MTUS1: variants seen among roughly 807,000 people sequenced by gnomAD.
The protein encoded by MTUS1 is microtubule-associated tumor suppressor 1.
Under a neutral mutation model 120.8 loss-of-function variants are expected in MTUS1, and 109 were observed. That is an observed-to-expected ratio of 0.90 (90% CI 0.77 to 1.06). The LOEUF is 1.06. Ranked by LOEUF, MTUS1 falls within the 50% of genes least tolerant of loss-of-function variation. The pLI, the probability that MTUS1 is intolerant of heterozygous loss-of-function variation, is 0.00. For missense variants in MTUS1, 2,210 were observed against 1,486.3 expected, an observed-to-expected ratio of 1.49 and a Z score of -8.01; for synonymous variants, 737 against 550.5, an observed-to-expected ratio of 1.34 and a Z score of -4.74.
At chr8:17,699,579 A>G (rs1249484302) in intron 6 of MTUS1, among the ~76,000 whole-genome samples, 1 of 152,230 alleles carries the variant, frequency 6.6e-6, no homozygotes, top group Non-Finnish European at 1.5e-5. Flanking sequence ...CCATCTAATC[A>G]TCGATTAATC....
chr8:17,674,245 C>A (rs1411475129), intron 8 of MTUS1, among the ~76,000 whole-genome samples: 1 of 151,992 alleles, frequency 6.6e-6, no homozygotes, highest in African/African-American at 2.4e-5. Flanking sequence ...CATGGCGAAA[C>A]CCCATCTCTA....
chr8:17,682,843 C>G lies in MTUS1; in HGVS notation c.2838+1485G>C, dbSNP rs140844257. On this transcript the variant is annotated intron_variant, in intron 7 of 14. Coordinates refer to ENST00000693296, the MANE Select transcript of MTUS1 (RefSeq NM_001363059.2). ...AAACACACTCTTGATTCCTTTCTTA[C>G]AAATGAAAGAGAAACAAAAATACCA... Among the ~76,000 whole-genome samples the G allele has an allele frequency of 3.8e-3, 574 of 152,172 alleles. 3 individuals carry two copies. Among genetic ancestry groups the G allele is most frequent in the African/African-American group, 0.013 (543 of 41,494 alleles).
intron 1 of MTUS1, among the ~76,000 whole-genome samples, chr8:17,759,128 G>A (rs966769157): frequency 3.9e-5 from 6 of 152,170 alleles, no homozygotes; most frequent in Admixed American, 3.3e-4. Context: ...TGATCCGCCC[G>A]CCTCGGCCTC....
intron 6 of MTUS1, chr8:17,709,105 C>G (rs1204304541): frequency 6.6e-6 from 1 of 151,596 alleles, no homozygotes; most frequent in African/African-American, 2.4e-5. Flanking sequence ...CCACTGCACT[C>G]CAGCCTGGGC....
intron 6 of MTUS1, among the ~76,000 whole-genome samples, chr8:17,695,726 G>A (rs1289518486): frequency 6.6e-6 from 1 of 151,846 alleles, no homozygotes; most frequent in Non-Finnish European, 1.5e-5. Context: ...AGATAAACAT[G>A]TGATCACATG....
intron 2 of MTUS1, among the ~76,000 whole-genome samples, chr8:17,747,372 C>G (rs1171792050): frequency 6.6e-6 from 1 of 152,148 alleles, no homozygotes; most frequent in Non-Finnish European, 1.5e-5. Flanking sequence ...CTCTGCCCAC[C>G]ACCACATCTT....
chr8:17,771,279 G>A (rs1171615078), intron 1 of MTUS1, among the ~76,000 whole-genome samples: 1 of 152,194 alleles, frequency 6.6e-6, no homozygotes, highest in African/African-American at 2.4e-5. Flanking sequence ...TCAATGATGA[G>A]GAAGGGGAGG....
At chr8:17,738,065 C>T (rs1031255609) in intron 3 of MTUS1, among the ~76,000 whole-genome samples, 12 of 152,184 alleles carry the variant, frequency 7.9e-5, no homozygotes, top group Non-Finnish European at 1.8e-4. Flanking sequence ...CTGCAAGTTT[C>T]GGACGGACTA....
At chr8:17,753,020 T>TC (rs371731683) in intron 2 of MTUS1, among the ~76,000 whole-genome samples, 1 of 151,970 alleles carries the variant, frequency 6.6e-6, no homozygotes, top group Non-Finnish European at 1.5e-5. Flanking sequence ...ACTCTCTAGG[T>TC]CCCCCCCAAA....
At position 17,755,118 on chromosome 8, in the gene MTUS1, GT is replaced by G; in HGVS notation, c.689del (p.Asn230ThrfsTer12). 2 of 1,614,002 alleles carry G rather than the reference GT, an allele frequency of 1.2e-6. No homozygotes were observed. Among genetic ancestry groups the G allele is most frequent in the Non-Finnish European group, 1.7e-6 (2 of 1,180,034 alleles). ...ETTYDRESFE[N>X]PQVTPSEAQD... is the part of the protein sequence containing the mutation. Reference sequence around the variant, plus strand: ...GGGCTTCTGATGGTGTGACTTGAGGGTTTTCAAAGCTTTCTCTATCATAAGT... The same window carrying G: ...GGGCTTCTGATGGTGTGACTTGAGGGTTTCAAAGCTTTCTCTATCATAAGT... On this transcript the variant is annotated frameshift_variant, in exon 2 of 15. Coordinates refer to ENST00000693296, the MANE Select transcript of MTUS1 (RefSeq NM_001363059.2). LOFTEE classifies it high-confidence loss of function.
In MTUS1 at chr8:17,755,485, A is replaced by T; in HGVS notation, c.323T>A (p.Leu108His). 1 of 1,614,232 alleles carries T rather than the reference A, an allele frequency of 6.2e-7. No homozygotes were observed. The highest frequency in any genetic ancestry group is 1.1e-5 in the South Asian group (1 of 91,088). The stretch of plus-strand genomic sequence containing the variant: ...ATATTTGGGCTTCTCAGTACCTACA[A>T]GTGCAGGACACTGACAAATAGAATC... ...HKDSICQCPA[L>H]VGTEKPKYLQ... The change falls in exon 2 of 15, where the codon CTT (leucine) becomes CAT (histidine). Residue 108 changes from leucine (L) to histidine (H), a missense_variant. Physicochemically the swap from Leu to His is moderately conservative, Grantham distance 99 (BLOSUM62 -3). Transcript: ENST00000693296.
At chr8:17,732,449 C>T (rs1166911304) in intron 3 of MTUS1, among the ~76,000 whole-genome samples, 2 of 152,192 alleles carry the variant, frequency 1.3e-5, no homozygotes, top group Non-Finnish European at 2.9e-5. Flanking sequence ...TCCTTCTTGA[C>T]TCTGGAGAGT....
At chr8:17,734,542 C>A (rs1458103079) in intron 3 of MTUS1, among the ~76,000 whole-genome samples, 1 of 152,062 alleles carries the variant, frequency 6.6e-6, no homozygotes, top group Non-Finnish European at 1.5e-5. Flanking sequence ...TCAGTACCTG[C>A]CTCTGCAAGT....
intron 1 of MTUS1, among the ~76,000 whole-genome samples, chr8:17,786,904 C>T (rs2051347777): frequency 6.6e-6 from 1 of 152,204 alleles, no homozygotes; most frequent in African/African-American, 2.4e-5. Flanking sequence ...ACTCTTCCAC[C>T]TCAAACCAGC....
intron 1 of MTUS1, among the ~76,000 whole-genome samples, chr8:17,762,593 C>A (rs1009888926): frequency 6.6e-6 from 1 of 152,166 alleles, no homozygotes; most frequent in Non-Finnish European, 1.5e-5. Flanking sequence ...ATAACGATTT[C>A]CTATGAAGTT....
chr8:17,684,165 C>T (rs1288739741), intron 7 of MTUS1, among the ~76,000 whole-genome samples, 163 bp downstream of exon 7: 7 of 152,114 alleles, frequency 4.6e-5, no homozygotes, highest in Admixed American at 3.3e-4. Flanking sequence ...TGCTAGAGAC[C>T]GACTCAAGTA....
chr8:17,743,823 G>T, intron 2 of MTUS1, 24 bp from the exon 3 acceptor site: 2 of 1,596,484 alleles, frequency 1.3e-6, no homozygotes, highest in Non-Finnish European at 1.7e-6. Context: ...AGTTAAGACT[G>T]TAAACCAAAA....
chr8:17,657,978 TATACATATATA>T (rs1323362374), intron 8 of MTUS1, among the ~76,000 whole-genome samples: 16 of 151,142 alleles, frequency 1.1e-4, no homozygotes, highest in Non-Finnish European at 8.8e-5. Flanking sequence ...TGCATATACA[TATACATATATA>T]ATACATATAT....
At chr8:17,697,255 A>C in intron 6 of MTUS1, 1 of 1,613,532 alleles carries the variant, frequency 6.2e-7, no homozygotes, top group Non-Finnish European at 8.5e-7. Flanking sequence ...TGCGAGACAG[A>C]CCTGTGTGGA....
Sources: allele counts gnomAD v4.1 joint callset (sites outside exome capture counted in the v4.1 genomes callset), GRCh38; gene constraint gnomAD v4.1.1; transcripts MANE v1.5; gene names NCBI Gene and HGNC (gene_info 2026-07-23, HGNC 2026-07-21).